ARHGEF3: variants seen among roughly 807,000 people sequenced by gnomAD.
ARHGEF3 encodes the protein Rho guanine nucleotide exchange factor 3, also known as 59.8 kDA protein.
In ARHGEF3, 28 loss-of-function variants were observed where a neutral mutation model predicts 63.2. The observed-to-expected ratio is 0.44, with a 90% CI of 0.33 to 0.61. The LOEUF is 0.61. ARHGEF3 is among the 20% of genes least tolerant of loss of function. ARHGEF3 has a pLI of 0.03. For missense variants in ARHGEF3, 533 were observed against 659.3 expected (o/e 0.81, Z 2.10); for synonymous variants, 266 against 254.2 (o/e 1.05, Z -0.44).
chr3:56,778,422 T>C (rs2317250), intron 1 of ARHGEF3, among the ~76,000 whole-genome samples: 60,810 of 152,194 alleles, frequency 0.4, 12,783 homozygotes, highest in East Asian at 0.66. Context: ...GCCTCTGTCA[T>C]GACTACTCAT....
intron 8 of ARHGEF3, among the ~76,000 whole-genome samples, chr3:56,733,058 C>T (rs1044245099): frequency 6.0e-5 from 9 of 149,396 alleles, no homozygotes; most frequent in South Asian, 2.1e-4. Context: ...CTGAGGCGGG[C>T]GGATCACCAG....
chr3:56,802,524 G>GT (rs1230366750), upstream of ARHGEF3, among the ~76,000 whole-genome samples: 2 of 152,130 alleles, frequency 1.3e-5, no homozygotes, highest in East Asian at 3.8e-4. Context: ...TCTGACAAAT[G>GT]TAAACACCCG....
At chr3:56,753,087 A>T (rs1405926317) in intron 4 of ARHGEF3, among the ~76,000 whole-genome samples, 1 of 152,254 alleles carries the variant, frequency 6.6e-6, no homozygotes, top group Non-Finnish European at 1.5e-5. Flanking sequence ...ATATGATAGT[A>T]TGCAATTGCC....
At position 56,968,232 on chromosome 3, in the gene ARHGEF3, AT is replaced by A. The variant is rs58820188; in HGVS notation, c.63-9344del. Among the ~76,000 whole-genome samples, 65 of 44,630 alleles carry A rather than the reference AT, an allele frequency of 1.5e-3. 4 individuals are homozygous for A. Among genetic ancestry groups the A allele is most frequent in the Middle Eastern group, 0.015 (1 of 68 alleles). The allele number at this position is 44,630 out of a possible 152,430, so 29.3% of individuals were successfully genotyped here. ...AATATATATTATATATAATATATAT[AT>A]AAATATATATATTAATATATAATAT... On this transcript the variant is annotated intron_variant, in intron 2 of 12. Transcript: ENST00000338458.
At chr3:56,964,496 A>C (rs920219219) in intron 2 of ARHGEF3, among the ~76,000 whole-genome samples, 1 of 152,054 alleles carries the variant, frequency 6.6e-6, no homozygotes, top group African/African-American at 2.4e-5. Flanking sequence ...ATGGGTCTGT[A>C]CTCTACTCGT....
chr3:56,967,466 T>A (rs1222456806), intron 2 of ARHGEF3, among the ~76,000 whole-genome samples: 1 of 62,506 alleles, frequency 1.6e-5, no homozygotes, highest in Non-Finnish European at 2.7e-5. Flanking sequence ...TATTATATAT[T>A]ATATAATATA....
At chr3:56,776,869 A>AC (rs1164822674) in intron 1 of ARHGEF3, among the ~76,000 whole-genome samples, 1 of 151,790 alleles carries the variant, frequency 6.6e-6, no homozygotes, top group Non-Finnish European at 1.5e-5. Flanking sequence ...TGCAGACACC[A>AC]CCCCCCACCA....
intron 4 of ARHGEF3, among the ~76,000 whole-genome samples, chr3:56,808,079 G>A (rs1018805676): frequency 1.3e-5 from 2 of 150,276 alleles, no homozygotes; most frequent in African/African-American, 4.9e-5. Flanking sequence ...AGCCGAGATC[G>A]TGCCACTGCA....
chr3:56,745,472 A>G lies in ARHGEF3; in HGVS notation c.613-10T>C. On this transcript the variant is annotated splice_polypyrimidine_tract_variant and intron_variant, in intron 6 of 9. Transcript: ENST00000296315. ...AGCTGAGGCAAGGGAGCTAAGAAGG[A>G]AACAGAAAGAGAAGGTTGGAATGTC... The G allele has an allele frequency of 1.2e-6, 2 of 1,611,676 alleles. No individual in the cohort carries two copies. The highest frequency in any genetic ancestry group is 1.7e-6 in the Non-Finnish European group (2 of 1,178,766).
intron 2 of ARHGEF3, among the ~76,000 whole-genome samples, chr3:56,985,161 T>TCA (rs761930205): frequency 6.6e-6 from 1 of 152,258 alleles, no homozygotes; most frequent in Non-Finnish European, 1.5e-5. Context: ...CAATCCTAGC[T>TCA]CACTGCAACC....
chr3:56,926,878 G>A (rs1231675901), intron 3 of ARHGEF3, among the ~76,000 whole-genome samples: 4 of 152,202 alleles, frequency 2.6e-5, no homozygotes, highest in African/African-American at 9.6e-5. Flanking sequence ...AGGGGTGGGA[G>A]GAGTCCCCAG....
chr3:56,745,885 A>T (rs2034354765), intron 6 of ARHGEF3, among the ~76,000 whole-genome samples: 1 of 152,144 alleles, frequency 6.6e-6, no homozygotes, highest in Non-Finnish European at 1.5e-5. Context: ...GTTAGCCAGC[A>T]TAGTCTCCAT....
At chr3:57,041,544 A>AAT (rs771855526) in intron 1 of ARHGEF3, among the ~76,000 whole-genome samples, 1 of 152,118 alleles carries the variant, frequency 6.6e-6, no homozygotes, top group Non-Finnish European at 1.5e-5. Context: ...TAATTACCAA[A>AAT]ATATATATAT....
chr3:56,736,225 G>C (rs1452050046), intron 8 of ARHGEF3, among the ~76,000 whole-genome samples: 1 of 152,090 alleles, frequency 6.6e-6, no homozygotes, highest in African/African-American at 2.4e-5. Flanking sequence ...CCCCATAATA[G>C]GTTCTAAGGT....
intron 1 of ARHGEF3, among the ~76,000 whole-genome samples, chr3:56,794,816 T>A (rs1204792538): frequency 1.3e-5 from 2 of 152,186 alleles, no homozygotes; most frequent in Admixed American, 6.5e-5. Flanking sequence ...TTTGTATTAT[T>A]TAAATTGTTG....
At chr3:56,984,554 A>G (rs1419549125) in intron 2 of ARHGEF3, among the ~76,000 whole-genome samples, 2 of 149,072 alleles carry the variant, frequency 1.3e-5, no homozygotes, top group Non-Finnish European at 3.0e-5. Context: ...ATAAAGTTAC[A>G]TAAATAAACT....
intron 4 of ARHGEF3, among the ~76,000 whole-genome samples, chr3:56,870,163 A>G (rs990036685): frequency 2.0e-5 from 3 of 152,200 alleles, no homozygotes; most frequent in African/African-American, 4.8e-5. Context: ...TGCATTAAAA[A>G]TAAACTATAC....
intron 2 of ARHGEF3, among the ~76,000 whole-genome samples, chr3:56,976,009 G>A (rs1293696567): frequency 6.6e-6 from 1 of 152,078 alleles, no homozygotes; most frequent in Non-Finnish European, 1.5e-5. Context: ...ATTTTAAAGA[G>A]ATTTCGATCA....
At chr3:57,064,151 C>A (rs1476452057) in intron 1 of ARHGEF3, among the ~76,000 whole-genome samples, 2 of 152,062 alleles carry the variant, frequency 1.3e-5, no homozygotes, top group East Asian at 3.9e-4. Flanking sequence ...TGCCTGTAGT[C>A]CCAGCTAACC....
Sources: gnomAD v4.1 joint callset for allele counts (sites outside exome capture counted in the v4.1 genomes callset) on GRCh38, gnomAD v4.1.1 for gene constraint, MANE v1.5 for transcripts, NCBI Gene and HGNC (gene_info 2026-07-23, HGNC 2026-07-21) for gene names.